PGBD5: variants seen among roughly 807,000 people sequenced by gnomAD.
PGBD5 encodes piggyBac transposable element derived 5, also known as piggyBac transposable element-derived protein 5.
In PGBD5, 14 loss-of-function variants were observed where a neutral mutation model predicts 47.9. The ratio of observed to expected loss-of-function variants is 0.29; its 90% CI spans 0.19 to 0.46. PGBD5 has a LOEUF of 0.46. PGBD5 is among the 20% of genes least tolerant of loss of function. The pLI, the probability that PGBD5 is intolerant of heterozygous loss-of-function variation, is 1.00. For synonymous variants in PGBD5, 316 were observed against 306.3 expected, an observed-to-expected ratio of 1.03 and a Z score of -0.33; for missense variants, 635 against 716.0, an observed-to-expected ratio of 0.89 and a Z score of 1.29.
intron 1 of PGBD5, among the ~76,000 whole-genome samples, chr1:230,394,870 TC>T (rs544412280): frequency 1.1e-4 from 5 of 43,776 alleles, no homozygotes; most frequent in Admixed American, 2.7e-4. Context: ...CTCATGCTCC[TC>T]CCCCCTCTCC....
At chr1:230,338,748 T>A (rs1558193676) in intron 3 of PGBD5, among the ~76,000 whole-genome samples, 1 of 151,986 alleles carries the variant, frequency 6.6e-6, no homozygotes, top group Non-Finnish European at 1.5e-5. Flanking sequence ...TGCAGTGAGC[T>A]GAGATCGTGC....
chr1:230,368,205 A>G, intron 1 of PGBD5: 1 of 1,326,260 alleles, frequency 7.5e-7, no homozygotes, highest in East Asian at 4.6e-5. Context: ...AAAAGCTGAA[A>G]GCTGACCACT....
chr1:230,349,264 T>C (rs1667524877), intron 3 of PGBD5, among the ~76,000 whole-genome samples: 1 of 152,114 alleles, frequency 6.6e-6, no homozygotes, highest in Admixed American at 6.5e-5. Context: ...ATGGTGGCTC[T>C]TGACTGTAAT....
chr1:230,405,291 T>C (rs1657275645), intron 1 of PGBD5, among the ~76,000 whole-genome samples: 1 of 152,032 alleles, frequency 6.6e-6, no homozygotes, highest in Non-Finnish European at 1.5e-5. Context: ...TATACCCGGA[T>C]TTCCTTCCTC....
At chr1:230,377,728 A>G (rs1012575402) in intron 1 of PGBD5, 1 of 1,421,618 alleles carries the variant, frequency 7.0e-7, no homozygotes, top group African/African-American at 1.4e-5. Flanking sequence ...TCAAAGAGTC[A>G]TTGTGAGAAT....
Position 230,416,610 on chromosome 1 carries a change from G to A in PGBD5, c.331+8988C>T, listed in dbSNP as rs569718545. ...ACCAGGCCAGCAGGCAAGGGCTGCC[G>A]TTCGAAAGTCAGGAAGAACATTCCG... On this transcript the variant is annotated intron_variant, in intron 1 of 6. Transcript: ENST00000391860. Among the ~76,000 whole-genome samples the A allele has an allele frequency of 2.6e-5, 4 of 152,208 alleles. No individual in the cohort carries two copies. The South Asian group carries it at 6.2e-4, about 24-fold the overall frequency.
At position 230,327,702 on chromosome 1, in the gene PGBD5, T is replaced by G. The variant is rs948447406; in HGVS notation, c.1274-2287A>C. ...TCGGGAGCCTGCAGAGGGGGCGTTCTCCAGGGCTCAGCGCACCAGGCGCCA... is the reference window on the plus strand; with the variant it reads ...TCGGGAGCCTGCAGAGGGGGCGTTCGCCAGGGCTCAGCGCACCAGGCGCCA... On this transcript the variant is annotated intron_variant, in intron 5 of 6. Transcript: ENST00000391860. Among the ~76,000 whole-genome samples the G allele has an allele frequency of 4.6e-4, 70 of 152,222 alleles. 1 individual carries two copies. The highest frequency in any genetic ancestry group is 1.7e-3 in the African/African-American group (70 of 41,462).
chr1:230,400,454 G>A (rs957769546), intron 1 of PGBD5, among the ~76,000 whole-genome samples: 1 of 151,836 alleles, frequency 6.6e-6, no homozygotes, highest in African/African-American at 2.4e-5. Flanking sequence ...ACTCTAGAAT[G>A]TGTGCTTCAT....
chr1:230,333,421 A>C (rs1667254559), intron 4 of PGBD5, among the ~76,000 whole-genome samples: 1 of 152,120 alleles, frequency 6.6e-6, no homozygotes. Context: ...AAACTTCTGC[A>C]CTCCATAGGT....
At chr1:230,337,641 G>A (rs954011672) in intron 3 of PGBD5, among the ~76,000 whole-genome samples, 1 of 152,164 alleles carries the variant, frequency 6.6e-6, no homozygotes, top group Non-Finnish European at 1.5e-5. Context: ...CACCTGTTAG[G>A]AATACACATT....
rs1056281090 is a variant in PGBD5 at position 230,426,027 on chromosome 1, C to T, written c.-99G>A. 5 of 538,186 alleles carry T rather than the reference C, an allele frequency of 9.3e-6. No homozygotes were observed. Among genetic ancestry groups the T allele is most frequent in the African/African-American group, 2.1e-5 (1 of 48,206 alleles). The allele number at this position is 538,186 out of a possible 1,614,324, so 33.3% of individuals were successfully genotyped here. A position where few individuals can be genotyped will look rare whatever the true frequency, so the allele number is the denominator to read the frequency against. On this transcript the variant is annotated 5_prime_UTR_variant, in exon 1 of 7. Coordinates refer to ENST00000391860, the MANE Select transcript of PGBD5 (RefSeq NM_001258311.2). ...CGCGGCCCGCCGCCCCCCACCAGCG[C>T]AGCCCGCAGCACAGCGCCCGCCGCC...
At chr1:230,384,538 C>T (rs192434663) in intron 1 of PGBD5, among the ~76,000 whole-genome samples, 28 of 152,284 alleles carry the variant, frequency 1.8e-4, no homozygotes, top group African/African-American at 4.6e-4. Context: ...ACTGGGCACG[C>T]GCTGGACAGC....
At position 230,315,688 on chromosome 1, in the gene PGBD5, AT is replaced by A. The variant is rs1183121521; in HGVS notation, c.*7736del. 2.8e-3 allele frequency: 432 copies of A among 151,632 alleles called. 3 individuals carry two copies. Among genetic ancestry groups the A allele is most frequent in the African/African-American group, 0.01 (419 of 41,352 alleles). 9.4% of individuals were successfully genotyped at this position (151,632 alleles called of 1,614,324 possible). A position where few individuals can be genotyped will look rare whatever the true frequency, so the allele number is the denominator to read the frequency against. ...TTTTATCGTGTGTGTATGTGTGTGTATATTTACACACACATACACACAAGAT... is the reference window on the plus strand; with the variant it reads ...TTTTATCGTGTGTGTATGTGTGTGTAATTTACACACACATACACACAAGAT... On this transcript the variant is annotated 3_prime_UTR_variant, in exon 7 of 7. Transcript: ENST00000391860.
Position 230,357,441 on chromosome 1 carries a change from G to A in PGBD5, c.332-120C>T. The stretch of plus-strand genomic sequence containing the variant: ...GCCGAGTGCCCCCGCTGCCTCCAGT[G>A]CTACCGCCTTCCCCTCCAACCTTCC... On this transcript the variant is annotated intron_variant, in intron 1 of 6. Coordinates refer to ENST00000391860, the MANE Select transcript of PGBD5 (RefSeq NM_001258311.2). This position sits in a 1 kb window ranked among gnomAD's most constrained non-coding sequence, Gnocchi z 5.7. The A allele has an allele frequency of 9.3e-7, 1 of 1,077,174 alleles. No homozygotes were observed. Among genetic ancestry groups the A allele is most frequent in the Non-Finnish European group, 1.3e-6 (1 of 757,758 alleles). The allele number at this position is 1,077,174 out of a possible 1,614,324, so 66.7% of individuals were successfully genotyped here.
At chr1:230,400,260 G>A (rs929776877) in intron 1 of PGBD5, among the ~76,000 whole-genome samples, 2 of 152,122 alleles carry the variant, frequency 1.3e-5, no homozygotes, top group Non-Finnish European at 2.9e-5. Context: ...TCACCGCCTG[G>A]GAGCTTTGCT....
At position 230,382,947 on chromosome 1, in the gene PGBD5, TA is replaced by T. The variant is rs1656548900; in HGVS notation, c.332-25627del. ...ATTGTAAGGATGCAGGCTCTCTATT[TA>T]AAACTTTCCCTGACTAGAATTTGGT... On this transcript the variant is annotated intron_variant, in intron 1 of 6. Transcript: ENST00000391860. 2.0e-5 allele frequency among the ~76,000 whole-genome samples: 3 copies of T among 152,174 alleles called. No homozygotes were observed. The South Asian group carries it at 6.2e-4, about 32-fold the overall frequency.
chr1:230,387,337 C>T (rs1000550573), intron 1 of PGBD5, among the ~76,000 whole-genome samples: 3 of 152,216 alleles, frequency 2.0e-5, no homozygotes, highest in Admixed American at 6.5e-5. Flanking sequence ...TCTCTCCTGA[C>T]CCTGATTCAA....
At chr1:230,361,119 C>A (rs1215086979) in intron 1 of PGBD5, among the ~76,000 whole-genome samples, 2 of 152,190 alleles carry the variant, frequency 1.3e-5, no homozygotes, top group South Asian at 2.1e-4. Context: ...TACCTACATA[C>A]GACTGAAGTC....
At chr1:230,355,513 C>T (rs960914854) in intron 2 of PGBD5, among the ~76,000 whole-genome samples, 1 of 152,214 alleles carries the variant, frequency 6.6e-6, no homozygotes, top group African/African-American at 2.4e-5. Context: ...TCATTTTCAA[C>T]CAAGCAAGTA....
Sources: allele counts gnomAD v4.1 joint callset (sites outside exome capture counted in the v4.1 genomes callset), GRCh38; gene constraint gnomAD v4.1.1; non-coding constraint Gnocchi (gnomAD v3.1); transcripts MANE v1.5; gene names NCBI Gene and HGNC (gene_info 2026-07-23, HGNC 2026-07-21).